Variants in RANBP2 observed in about 807,000 individuals in gnomAD.
RANBP2 encodes E3 SUMO-protein ligase RanBP2.
RANBP2 carries 57 observed loss-of-function variants against 303.6 expected under a neutral mutation model. That is an observed-to-expected ratio of 0.19 (90% CI 0.15 to 0.23). The LOEUF is 0.23. Among genes scored for constraint, RANBP2 ranks in the 10% least tolerant of loss-of-function variants. The probability of loss-of-function intolerance (pLI) is 1.00; values close to 1 mark genes in which losing one functional copy is unlikely to be tolerated. For synonymous variants in RANBP2, 1,167 were observed against 1,301.5 expected (o/e 0.90, Z 2.23); for missense variants, 3,138 against 3,780.8 (o/e 0.83, Z 4.46).
chr2:109,737,785 T>G, the RANBP2 span, among the ~76,000 whole-genome samples: 4 of 152,144 alleles, frequency 2.6e-5, no homozygotes, highest in Non-Finnish European at 5.9e-5. Flanking sequence ...TGGGGTGAAA[T>G]GAAGTCTCAT....
At chr2:109,678,144 C>A in the RANBP2 span, among the ~76,000 whole-genome samples, 1 of 152,206 alleles carries the variant, frequency 6.6e-6, no homozygotes, top group African/African-American at 2.4e-5. Flanking sequence ...CAGCACCAAG[C>A]AATTCTTACA....
chr2:109,362,244 A>G, the RANBP2 span, among the ~76,000 whole-genome samples: 13 of 152,294 alleles, frequency 8.5e-5, no homozygotes, highest in African/African-American at 3.1e-4. Flanking sequence ...GCATCTCACA[A>G]ATGTTGGTAA....
the RANBP2 span, among the ~76,000 whole-genome samples, chr2:109,271,011 T>C: frequency 3.9e-5 from 6 of 152,338 alleles, no homozygotes; most frequent in East Asian, 7.7e-4. Context: ...TCACCCCTCA[T>C]TGAACATTTA....
At chr2:108,732,551 C>T (rs557433613) in intron 4 of RANBP2, among the ~76,000 whole-genome samples, 1 of 152,298 alleles carries the variant, frequency 6.6e-6, no homozygotes, top group East Asian at 1.9e-4. Context: ...CCAAAGCACA[C>T]TATCAAAATC....
chr2:108,836,413 A>G, the RANBP2 span, among the ~76,000 whole-genome samples: 4 of 152,218 alleles, frequency 2.6e-5, no homozygotes, highest in Admixed American at 1.3e-4. Context: ...ATTGATAGAT[A>G]TTTGGGCAGC....
the RANBP2 span, chr2:109,760,440 G>C: frequency 8.4e-5 from 80 of 957,554 alleles, 2 homozygotes; most frequent in Non-Finnish European, 9.0e-5. Flanking sequence ...CGCAGGGCCG[G>C]GGGCGGCGGC....
intron 3 of RANBP2, 36 bp downstream of exon 3, chr2:108,730,921 C>T: frequency 6.2e-7 from 1 of 1,610,094 alleles, no homozygotes; most frequent in Non-Finnish European, 8.5e-7. Flanking sequence ...CTTTGCATAG[C>T]CAAACACATG....
At chr2:109,440,043 A>G in the RANBP2 span, among the ~76,000 whole-genome samples, 1 of 152,220 alleles carries the variant, frequency 6.6e-6, no homozygotes, top group Non-Finnish European at 1.5e-5. Flanking sequence ...TGAGCAGACA[A>G]AAGAGAAAGG....
the RANBP2 span, among the ~76,000 whole-genome samples, chr2:109,229,251 T>G: frequency 7.2e-3 from 1,099 of 152,300 alleles, 7 homozygotes; most frequent in Non-Finnish European, 0.01. Context: ...CACTTCTTAT[T>G]TGGAGCAGTG....
At chr2:109,066,472 G>A in the RANBP2 span, among the ~76,000 whole-genome samples, 1 of 152,130 alleles carries the variant, frequency 6.6e-6, no homozygotes, top group Non-Finnish European at 1.5e-5. Context: ...AGCGCTAACT[G>A]TTCCCCCACC....
chr2:109,055,790 T>A, the RANBP2 span, among the ~76,000 whole-genome samples: 13 of 138,908 alleles, frequency 9.4e-5, no homozygotes, highest in African/African-American at 3.5e-4. Context: ...GAGATGAGTC[T>A]CACTCTGTCA....
At chr2:109,353,257 C>T in the RANBP2 span, among the ~76,000 whole-genome samples, 5 of 152,244 alleles carry the variant, frequency 3.3e-5, no homozygotes, top group African/African-American at 1.2e-4. Flanking sequence ...GTTCTCCCTG[C>T]AGCCGAGCCC....
the RANBP2 span, among the ~76,000 whole-genome samples, chr2:109,549,883 T>A: frequency 6.6e-6 from 1 of 152,220 alleles, no homozygotes. Flanking sequence ...TATCTTATTG[T>A]AGTATTTTCA....
the RANBP2 span, among the ~76,000 whole-genome samples, chr2:109,328,590 T>C: frequency 6.6e-6 from 1 of 152,274 alleles, no homozygotes; most frequent in East Asian, 1.9e-4. Flanking sequence ...ATCATCTTTG[T>C]ACTTTCTAAT....
chr2:108,767,361 T>C lies in RANBP2; in HGVS notation c.6822T>C (p.Ala2274=), dbSNP rs1279909169. The C allele has an allele frequency of 1.9e-6, 3 of 1,612,056 alleles. No homozygotes were observed. Among genetic ancestry groups the C allele is most frequent in the Non-Finnish European group, 1.7e-6 (2 of 1,179,866 alleles). Residue 2274 remains alanine, a synonymous_variant, in exon 20 of 29, where the codon GCT becomes GCC. Coordinates refer to ENST00000283195, the MANE Select transcript of RANBP2 (RefSeq NM_006267.5). ...GATTTAACTTCAGTTTTAAATCTGC[T>C]TTGAGTCCATCTAAGTCTCCTGCCA... ...TTGFNFSFKS[A]LSPSKSPAKL...
At chr2:109,579,456 T>A in the RANBP2 span, among the ~76,000 whole-genome samples, 2 of 151,448 alleles carry the variant, frequency 1.3e-5, no homozygotes, top group Admixed American at 1.3e-4. Context: ...CAATCTTGGC[T>A]CACTGCAAAC....
At chr2:109,162,034 A>T in the RANBP2 span, among the ~76,000 whole-genome samples, 11 of 152,008 alleles carry the variant, frequency 7.2e-5, no homozygotes, top group Non-Finnish European at 1.2e-4. Flanking sequence ...CCTCCTTGGG[A>T]TGTGTCCTCA....
At chr2:109,427,249 G>A in the RANBP2 span, among the ~76,000 whole-genome samples, 102 of 152,274 alleles carry the variant, frequency 6.7e-4, 1 homozygote, top group African/African-American at 2.1e-3. Flanking sequence ...GATTACAGGC[G>A]TGAGTCACCG....
intron 19 of RANBP2, among the ~76,000 whole-genome samples, chr2:108,762,482 T>C (rs1225252220): frequency 4.1e-5 from 3 of 72,402 alleles, no homozygotes; most frequent in African/African-American, 1.7e-4. Context: ...GCTGACCCAC[T>C]ATGTGGTAAG....
Sources: gnomAD v4.1 joint callset for allele counts (sites outside exome capture counted in the v4.1 genomes callset) on GRCh38, gnomAD v4.1.1 for gene constraint, MANE v1.5 for transcripts, NCBI Gene and HGNC (gene_info 2026-07-23, HGNC 2026-07-21) for gene names.